Variants in GLB1L observed in about 807,000 individuals in gnomAD.
GLB1L encodes beta-galactosidase-1-like protein.
GLB1L carries 58 observed loss-of-function variants against 75.7 expected under a neutral mutation model. That is an observed-to-expected ratio of 0.77 (90% confidence interval 0.62 to 0.95). The LOEUF (loss-of-function observed/expected upper bound fraction) is 0.95. Among genes scored for constraint, GLB1L ranks in the 40% least tolerant of loss-of-function variants. GLB1L has a pLI of 0.00. For missense variants in GLB1L, 797 were observed against 805.5 expected (o/e 0.99, Z 0.13); for synonymous variants, 296 against 303.0 (o/e 0.98, Z 0.24).
rs75320380 is a variant in GLB1L at position 219,242,904 on chromosome 2, T to C, written c.254A>G (p.Asn85Ser). Residue 85 changes from asparagine to serine, a missense_variant, in exon 4 of 17, where the codon AAC (asparagine) becomes AGC (serine). Coordinates refer to ENST00000295759, the MANE Select transcript of GLB1L (RefSeq NM_001286423.2). ...GACCCCAGGCTGTGGCTCGTGGTAG[T>C]TCCAGGGCACATAACTGAGAAAGGA... ...LNAIQFYVPWNYHEPQPGVYN... is the reference protein window; with the variant it reads ...LNAIQFYVPWSYHEPQPGVYN... The C allele has an allele frequency of 3.1e-6, 5 of 1,614,022 alleles. No homozygotes were observed. Among genetic ancestry groups the C allele is most frequent in the Non-Finnish European group, 4.2e-6 (5 of 1,180,018 alleles).
At position 219,238,700 on chromosome 2, in the gene GLB1L, C is replaced by T; in HGVS notation, c.1137+5G>A. 1.2e-6 allele frequency: 2 copies of T among 1,613,688 alleles called. No individual in the cohort carries two copies. Among genetic ancestry groups the T allele is most frequent in the Non-Finnish European group, 1.7e-6 (2 of 1,179,774 alleles). On this transcript the variant is annotated splice_donor_5th_base_variant and intron_variant, in intron 12 of 16. Coordinates refer to ENST00000295759, the MANE Select transcript of GLB1L (RefSeq NM_001286423.2). The stretch of plus-strand genomic sequence containing the variant: ...GTATAAGAGAAAAGATGTGGAGGAA[C>T]TTACCAGGTGCAGAGTCACAGGTCC...
In GLB1L at chr2:219,238,509, C is replaced by T. The variant is rs1225143749; in HGVS notation, c.1213G>A (p.Glu405Lys). 1 of 1,614,006 alleles carries T rather than the reference C, an allele frequency of 6.2e-7. No individual in the cohort carries two copies. Among genetic ancestry groups the T allele is most frequent in the South Asian group, 1.1e-5 (1 of 91,068 alleles). ...TTATGCCTTACCTGCTTGACAGCCT[C>T]AAAGGTCATTGGCAAGATTGAATGA... is the stretch of plus-strand genomic sequence containing the variant. ...PIHSILPMTF[E>K]AVKQDHGFML... Residue 405 changes from glutamate (E) to lysine (K), a missense_variant, in exon 13 of 17, where the codon GAG becomes AAG. Coordinates refer to ENST00000295759, the MANE Select transcript of GLB1L (RefSeq NM_001286423.2).
intron 14 of GLB1L, 31 bp downstream of exon 14, chr2:219,238,219 T>C (rs1471356268): frequency 6.9e-7 from 1 of 1,452,414 alleles, no homozygotes; most frequent in Non-Finnish European, 9.5e-7. Flanking sequence ...GGGAGGAGTT[T>C]GGGGCTCACA....
At position 219,237,092 on chromosome 2, in the gene GLB1L, T is replaced by C. The variant is rs747597474; in HGVS notation, c.1945A>G (p.Met649Val). The C allele has an allele frequency of 1.2e-6, 2 of 1,607,306 alleles. No homozygotes were observed. The highest frequency in any genetic ancestry group is 8.5e-7 in the Non-Finnish European group (1 of 1,174,162). ...SADTLSASEP[M>V]ELSGH ...ACCTTTCAGTGCCCACTTAACTCCA[T>C]TGGTTCAGAGGCACTCAGTGTATCA... The change falls in exon 17 of 17, where the codon ATG becomes GTG. Residue 649 changes from methionine (M) to valine (V), a missense_variant. Transcript: ENST00000295759.
chr2:219,243,458 C>G (rs752932042), intron 2 of GLB1L, 44 bp downstream of exon 2: 24 of 1,609,878 alleles, frequency 1.5e-5, no homozygotes, highest in Non-Finnish European at 1.9e-5. Context: ...TGGATCTGAT[C>G]CCGCTCACCG....
intron 5 of GLB1L, among the ~76,000 whole-genome samples, chr2:219,241,360 T>C (rs10176345): frequency 0.99 from 146,933 of 148,678 alleles, 72,623 homozygotes; most frequent in Middle Eastern, 1. Flanking sequence ...GCCTGGGTGA[T>C]AGAGCGAGAC....
At position 219,242,834 on chromosome 2, in the gene GLB1L, C is replaced by G. The variant is rs776155152; in HGVS notation, c.324G>C (p.Glu108Asp). Residue 108 changes from glutamate to aspartate, a missense_variant, in exon 4 of 17, where the codon GAG becomes GAC. By Grantham distance (45) the Glu-to-Asp change is conservative. Transcript: ENST00000295759. ...TGACCAACAGGTTCGCTAGAGCTGC[C>G]TCATTCAGAAAGGCAATGAGGTCCC... ...GSRDLIAFLN[E>D]AALANLLVIL... 4 of 1,614,234 alleles carry G rather than the reference C, an allele frequency of 2.5e-6. No individual in the cohort carries two copies. In the Admixed American group the frequency reaches 5.0e-5, roughly 20 times the overall value.
At position 219,243,661 on chromosome 2, in the gene GLB1L, C is replaced by A. The variant is rs746203407; in HGVS notation, c.-70-18G>T. On this transcript the variant is annotated intron_variant, in intron 1 of 16. Coordinates refer to ENST00000295759, the MANE Select transcript of GLB1L (RefSeq NM_001286423.2). ...GAGGGAACCTCAGCGAGCAAGGGGG[C>A]GGAAACCACCTCAAGTTGCCAGGCG... 5.3e-6 allele frequency: 7 copies of A among 1,320,148 alleles called. No homozygotes were observed. The highest frequency in any genetic ancestry group is 7.6e-6 in the Non-Finnish European group (7 of 920,160). The allele number at this position is 1,320,148 out of a possible 1,614,324, so 81.8% of individuals were successfully genotyped here.
chr2:219,242,731 A>G (rs756211179), intron 4 of GLB1L, 37 bp downstream of exon 4: 49 of 1,611,772 alleles, frequency 3.0e-5, no homozygotes, highest in Non-Finnish European at 4.1e-5. Flanking sequence ...GAACTGCACA[A>G]GGATAACTGG....
chr2:219,241,452 ATATATATATATATACATACATATATATG>A (rs1386261907), intron 5 of GLB1L, among the ~76,000 whole-genome samples: 2 of 138,422 alleles, frequency 1.4e-5, no homozygotes, highest in African/African-American at 5.2e-5. Context: ...GTATATATAT[ATATATATATATATACATACATATATATG>A]TATGTATAGA....
intron 5 of GLB1L, among the ~76,000 whole-genome samples, chr2:219,241,430 GTGTGTGTGTGTGTATATATA>G (rs1559266513): frequency 1.0e-5 from 1 of 98,194 alleles, no homozygotes; most frequent in African/African-American, 3.2e-5. Flanking sequence ...GTGTGTGTGT[GTGTGTGTGTGTGTATATATA>G]TATATATATA....
chr2:219,238,894 G>A (rs1186156329), intron 11 of GLB1L, 115 bp from the exon 12 acceptor site: 21 of 957,762 alleles, frequency 2.2e-5, no homozygotes, highest in Admixed American at 2.0e-4. Flanking sequence ...AGGGATCATG[G>A]AGGCTCAATA....
chr2:219,240,377 C>T (rs548378836), intron 5 of GLB1L, 92 bp from the exon 6 acceptor site: 1 of 1,030,898 alleles, frequency 9.7e-7, no homozygotes, highest in South Asian at 1.3e-5. Context: ...TCAAGAAATT[C>T]CCAACCCTAA....
rs771439705 is a variant in GLB1L, at chr2:219,239,838, G to A, written c.722-5C>T. On this transcript the variant is annotated splice_region_variant and splice_polypyrimidine_tract_variant and intron_variant, in intron 7 of 16. Transcript: ENST00000295759. ...AGATTTTGGTCATGTTGTCAGCTGC[G>A]GAAAGGAGGCAAAAGAAAAAGATAA... The A allele has an allele frequency of 6.9e-5, 111 of 1,614,032 alleles. No individual in the cohort carries two copies. Among genetic ancestry groups the A allele is most frequent in the Non-Finnish European group, 8.8e-5 (104 of 1,180,036 alleles).
chr2:219,241,849 G>C (rs1354062365), intron 5 of GLB1L, among the ~76,000 whole-genome samples: 1 of 152,110 alleles, frequency 6.6e-6, no homozygotes, highest in Non-Finnish European at 1.5e-5. Flanking sequence ...CAGATTGTAT[G>C]GGGGAGAGGG....
In GLB1L at chr2:219,238,564, G is replaced by A. The variant is rs774764307; in HGVS notation, c.1158C>T (p.Phe386=). 20 of 1,614,064 alleles carry A rather than the reference G, an allele frequency of 1.2e-5. No homozygotes were observed. In the South Asian group the frequency reaches 2.2e-4, roughly 18 times the overall value. Reference sequence around the variant, plus strand: ...GCCCACGGGGGCAAAGCAAGTCTAGGAAAGCCAGTAAATGCCCAACCTATT... The same window carrying A: ...GCCCACGGGGGCAAAGCAAGTCTAGAAAAGCCAGTAAATGCCCAACCTATT... The part of the protein sequence containing the change: ...TLHLVGHLLA[F]LDLLCPRGPI... Residue 386 remains phenylalanine, a synonymous_variant, in exon 13 of 17, where the codon TTC becomes TTT. Transcript: ENST00000295759.
Position 219,239,545 on chromosome 2 carries a change from CAG to C in GLB1L, c.902+14_902+15del. 7 of 1,614,200 alleles carry C rather than the reference CAG, an allele frequency of 4.3e-6. No homozygotes were observed. The highest frequency in any genetic ancestry group is 5.9e-6 in the Non-Finnish European group (7 of 1,180,026). On this transcript the variant is annotated intron_variant, in intron 9 of 16. Transcript: ENST00000295759. ...CCCAGCTACAGATTCATATTGCCCC[CAG>C]TGTCTTTACTTACATGTTCACACTG...
At chr2:219,238,070 A>G in intron 14 of GLB1L, 113 bp from the exon 15 acceptor site, 2 of 1,156,692 alleles carry the variant, frequency 1.7e-6, no homozygotes, top group Admixed American at 2.0e-5. Flanking sequence ...GTAGCCATCT[A>G]TCACCCATCT....
intron 1 of GLB1L, among the ~76,000 whole-genome samples, chr2:219,244,129 C>A (rs1195368066): frequency 6.6e-6 from 1 of 152,058 alleles, no homozygotes; most frequent in Non-Finnish European, 1.5e-5. Context: ...GGCAACAGAG[C>A]GAGACTCTGT....
Sources: allele counts gnomAD v4.1 joint callset (sites outside exome capture counted in the v4.1 genomes callset), GRCh38; gene constraint gnomAD v4.1.1; transcripts MANE v1.5; gene names NCBI Gene and HGNC (gene_info 2026-07-23, HGNC 2026-07-21).